ATP6V1B2: variants seen among roughly 807,000 people sequenced by gnomAD.
The protein encoded by ATP6V1B2 is ATPase H+ transporting V1 subunit B2.
In ATP6V1B2, 23 loss-of-function variants were observed where a neutral mutation model predicts 66.7. The observed-to-expected ratio is 0.34, with a 90% CI of 0.25 to 0.49. The LOEUF is 0.49. Among genes scored for constraint, ATP6V1B2 ranks in the 20% least tolerant of loss-of-function variants. The pLI is 0.99. For missense variants in ATP6V1B2, 478 were observed against 650.8 expected (o/e 0.73, Z 2.89); for synonymous variants, 278 against 236.7 (o/e 1.17, Z -1.60).
chr8:20,207,721 TAAA>T (rs922264492), intron 2 of ATP6V1B2, among the ~76,000 whole-genome samples: 1 of 130,028 alleles, frequency 7.7e-6, no homozygotes, highest in Non-Finnish European at 1.7e-5. Context: ...ACTTAAAGTA[TAAA>T]AAAAAAAAAG....
intron 2 of ATP6V1B2, among the ~76,000 whole-genome samples, chr8:20,209,054 A>C (rs1324984651): frequency 1.3e-5 from 2 of 152,194 alleles, no homozygotes; most frequent in East Asian, 1.9e-4. Flanking sequence ...CATCTGGAGC[A>C]CACAGTTGAT....
intron 11 of ATP6V1B2, 34 bp downstream of exon 11, chr8:20,216,529 G>T (rs775745506): frequency 6.4e-7 from 1 of 1,569,976 alleles, no homozygotes; most frequent in Non-Finnish European, 8.7e-7. Flanking sequence ...GAAGCTTGCA[G>T]ACCTGCTCAT....
intron 10 of ATP6V1B2, 141 bp downstream of exon 10, chr8:20,215,109 TC>T (rs781467668): frequency 4.1e-6 from 4 of 975,136 alleles, no homozygotes; most frequent in Non-Finnish European, 2.8e-6. Context: ...AAAACATTTT[TC>T]ATTTGAAAAT....
intron 8 of ATP6V1B2, 86 bp downstream of exon 8, chr8:20,212,285 A>C: frequency 3.9e-6 from 5 of 1,266,652 alleles, no homozygotes; most frequent in Admixed American, 1.9e-5. Context: ...TGTGGTAATA[A>C]CAGCATTTGG....
At chr8:20,206,706 C>T (rs548161041) in intron 2 of ATP6V1B2, among the ~76,000 whole-genome samples, 3 of 152,210 alleles carry the variant, frequency 2.0e-5, no homozygotes, top group African/African-American at 7.2e-5. Flanking sequence ...AGAAACTCTC[C>T]AAACACCCTC....
At chr8:20,200,253 A>G (rs1002915928) in intron 1 of ATP6V1B2, among the ~76,000 whole-genome samples, 1 of 151,828 alleles carries the variant, frequency 6.6e-6, no homozygotes, top group Non-Finnish European at 1.5e-5. Flanking sequence ...CCTGAGCTCA[A>G]GAGATCCGCC....
At chr8:20,198,324 T>G (rs995519559) in intron 1 of ATP6V1B2, among the ~76,000 whole-genome samples, 13 of 152,202 alleles carry the variant, frequency 8.5e-5, no homozygotes, top group African/African-American at 2.9e-4. Flanking sequence ...TTAACCAAAC[T>G]TGGTTGAGTG....
At chr8:20,211,559 T>C in intron 6 of ATP6V1B2, 93 bp from the exon 7 acceptor site, 1 of 1,394,420 alleles carries the variant, frequency 7.2e-7, no homozygotes, top group Non-Finnish European at 9.7e-7. Flanking sequence ...GTTTCGTTTA[T>C]GATTACGATT....
chr8:20,197,634 G>C (rs906822233), intron 1 of ATP6V1B2, 92 bp downstream of exon 1: 1 of 1,274,784 alleles, frequency 7.8e-7, no homozygotes. Context: ...GTAGGGGGTA[G>C]GATTTGTTTT....
intron 2 of ATP6V1B2, 61 bp from the exon 3 acceptor site, chr8:20,209,372 T>A: frequency 6.8e-7 from 1 of 1,461,224 alleles, no homozygotes; most frequent in Non-Finnish European, 9.5e-7. Flanking sequence ...ACAGAGCATG[T>A]GTAGTAATTT....
chr8:20,211,633 C>A lies in ATP6V1B2; in HGVS notation c.604-19C>A, dbSNP rs1404238038. ...TGTTATTTTAGATTTCAACTGAATT[C>A]TTCTACTTTGTTCATCAGATTGCAG... is the stretch of plus-strand genomic sequence containing the variant. On this transcript the variant is annotated intron_variant, in intron 6 of 13. Coordinates refer to ENST00000276390, the MANE Select transcript of ATP6V1B2 (RefSeq NM_001693.4). 28 of 1,586,722 alleles carry A rather than the reference C, an allele frequency of 1.8e-5. No individual in the cohort carries two copies. Among genetic ancestry groups the A allele is most frequent in the Non-Finnish European group, 2.4e-5 (28 of 1,169,510 alleles).
At chr8:20,217,119 G>GA in intron 11 of ATP6V1B2, 101 bp from the exon 12 acceptor site, 1 of 993,202 alleles carries the variant, frequency 1.0e-6, no homozygotes, top group Non-Finnish European at 1.6e-6. Flanking sequence ...GGTTGTCTTT[G>GA]ATTTAAGTTG....
In ATP6V1B2 at chr8:20,210,666, T is replaced by G. The variant is rs1237417011; in HGVS notation, c.463+20T>G. On this transcript the variant is annotated intron_variant, in intron 5 of 13. Coordinates refer to ENST00000276390, the MANE Select transcript of ATP6V1B2 (RefSeq NM_001693.4). ...TCATGGGTAGGTACAGTAGATGGAT[T>G]GCTGTGTTTGGGAGAAAATAACCTC... 1 of 1,601,320 alleles carries G rather than the reference T, an allele frequency of 6.2e-7. No individual in the cohort carries two copies. The highest frequency in any genetic ancestry group is 1.1e-5 in the South Asian group (1 of 90,814).
chr8:20,209,362 A>G lies in ATP6V1B2; in HGVS notation c.193-71A>G. 4 of 1,435,964 alleles carry G rather than the reference A, an allele frequency of 2.8e-6. No homozygotes were observed. The South Asian group carries it at 4.7e-5, about 17-fold the overall frequency. 89.0% of individuals were successfully genotyped at this position (1,435,964 alleles called of 1,614,324 possible). A position where few individuals can be genotyped will look rare whatever the true frequency, so the allele number is the denominator to read the frequency against. On this transcript the variant is annotated intron_variant, in intron 2 of 13. Transcript: ENST00000276390. The stretch of plus-strand genomic sequence containing the variant: ...CATATTCAGACACAACATGGGAGAG[A>G]CAGAGCATGTGTAGTAATTTGGGGG...
chr8:20,200,874 A>G (rs2072678819), intron 1 of ATP6V1B2, among the ~76,000 whole-genome samples: 1 of 152,228 alleles, frequency 6.6e-6, no homozygotes, highest in Non-Finnish European at 1.5e-5. Flanking sequence ...ACAAGGGAAG[A>G]TGATTGCTCT....
At chr8:20,216,843 A>C in intron 11 of ATP6V1B2, 1 of 257,102 alleles carries the variant, frequency 3.9e-6, no homozygotes, top group Non-Finnish European at 7.5e-6. Context: ...GACTTCTAAA[A>C]TCAGCTTTTA....
chr8:20,202,763 C>T (rs1262901948), intron 1 of ATP6V1B2, among the ~76,000 whole-genome samples: 1 of 152,124 alleles, frequency 6.6e-6, no homozygotes, highest in East Asian at 1.9e-4. Flanking sequence ...TTTTAAGAAC[C>T]TGGTGTATTT....
Position 20,221,670 on chromosome 8 carries a change from ATAAATGT to A in ATP6V1B2, c.*1274_*1280del, listed in dbSNP as rs1479069756. 6.6e-6 allele frequency: 1 copy of A among 152,662 alleles called. No individual in the cohort carries two copies. Among genetic ancestry groups the A allele is most frequent in the Non-Finnish European group, 1.5e-5 (1 of 68,042 alleles). The allele number at this position is 152,662 out of a possible 1,614,324, so 9.5% of individuals were successfully genotyped here. A position where few individuals can be genotyped will look rare whatever the true frequency, so the allele number is the denominator to read the frequency against. ...TGTGACATCTGGATATAAAATGAAAATAAATGTTAAATTAAATGGACCTTAACTAAAG... is the reference window on the plus strand; with the variant it reads ...TGTGACATCTGGATATAAAATGAAAATAAATTAAATGGACCTTAACTAAAG... On this transcript the variant is annotated 3_prime_UTR_variant, in exon 14 of 14. Transcript: ENST00000276390.
rs1388636671 is a variant in ATP6V1B2 at position 20,217,280 on chromosome 8, G to A, written c.1222G>A (p.Glu408Lys). Residue 408 changes from glutamate (E) to lysine (K), a missense_variant, in exon 12 of 14, where the codon GAA becomes AAA. Glu to Lys is a moderately conservative substitution (Grantham distance 56, BLOSUM62 1). Around this residue, in one of 2 missense-constraint regions of ATP6V1B2, gnomAD observed 326 missense variants for 545.6 expected, o/e 0.60. Coordinates refer to ENST00000276390, the MANE Select transcript of ATP6V1B2 (RefSeq NM_001693.4). ...ACGGTTAATGAAGTCTGCTATTGGA[G>A]AAGGGATGACCAGGAAGGATCATGC... ...LSRLMKSAIG[E>K]GMTRKDHADV... 1 of 1,613,250 alleles carries A rather than the reference G, an allele frequency of 6.2e-7. No homozygotes were observed. Among genetic ancestry groups the A allele is most frequent in the Non-Finnish European group, 8.5e-7 (1 of 1,179,484 alleles).
Sources: gnomAD v4.1 joint callset for allele counts (sites outside exome capture counted in the v4.1 genomes callset) on GRCh38, gnomAD v4.1.1 for gene constraint, gnomAD v4.1.1 regional missense constraint, MANE v1.5 for transcripts, NCBI Gene and HGNC (gene_info 2026-07-23, HGNC 2026-07-21) for gene names.